Variants in RPTOR observed in about 807,000 individuals in gnomAD.
RPTOR encodes regulatory-associated protein of mTOR.
In RPTOR, 21 loss-of-function variants were observed where a neutral mutation model predicts 169.9. That is an observed-to-expected ratio of 0.12 (90% CI 0.09 to 0.18). The LOEUF is 0.18. Ranked by LOEUF, RPTOR falls within the 10% of genes least tolerant of loss-of-function variation. RPTOR has a pLI of 1.00. For synonymous variants in RPTOR, 732 were observed against 753.2 expected (o/e 0.97, Z 0.46); for missense variants, 1,133 against 1,855.9 (o/e 0.61, Z 7.16).
chr17:80,631,377 G>T (rs981963600), intron 2 of RPTOR, among the ~76,000 whole-genome samples: 55 of 152,134 alleles, frequency 3.6e-4, no homozygotes, highest in African/African-American at 1.3e-3. Context: ...GAGTGTGAGT[G>T]CCCCTTGTGC....
chr17:80,942,836 T>C (rs1242969950), intron 25 of RPTOR, among the ~76,000 whole-genome samples: 1 of 152,202 alleles, frequency 6.6e-6, no homozygotes, highest in Non-Finnish European at 1.5e-5. Context: ...CACGCACTGA[T>C]TTTCAAACGT....
intron 17 of RPTOR, among the ~76,000 whole-genome samples, chr17:80,889,898 C>T (rs1411872203): frequency 5.8e-5 from 7 of 119,674 alleles, no homozygotes; most frequent in Admixed American, 1.6e-4. Flanking sequence ...GGCCCCCGTA[C>T]GCAGCAGGAT....
intron 1 of RPTOR, among the ~76,000 whole-genome samples, chr17:80,561,340 A>G (rs2084491921): frequency 6.8e-6 from 1 of 146,618 alleles, no homozygotes; most frequent in African/African-American, 2.5e-5. Flanking sequence ...CAAACTCCTG[A>G]CCTCGTGATC....
intron 2 of RPTOR, among the ~76,000 whole-genome samples, chr17:80,634,996 C>G (rs2065494926): frequency 6.6e-6 from 1 of 152,178 alleles, no homozygotes; most frequent in Non-Finnish European, 1.5e-5. Flanking sequence ...CTGTACCTCT[C>G]TACATGTACA....
chr17:80,880,882 C>A (rs2068179630), intron 14 of RPTOR, among the ~76,000 whole-genome samples: 1 of 151,828 alleles, frequency 6.6e-6, no homozygotes, highest in African/African-American at 2.4e-5. Flanking sequence ...TCTTGGAGCA[C>A]AAGAAGATAT....
At chr17:80,683,169 G>A (rs969964692) in intron 3 of RPTOR, among the ~76,000 whole-genome samples, 3 of 151,338 alleles carry the variant, frequency 2.0e-5, no homozygotes, top group African/African-American at 2.4e-5. Flanking sequence ...GCCTGGGAGC[G>A]GACCCCGGAC....
At chr17:80,696,239 A>G (rs2066035200) in intron 3 of RPTOR, among the ~76,000 whole-genome samples, 2 of 152,228 alleles carry the variant, frequency 1.3e-5, no homozygotes, top group Non-Finnish European at 2.9e-5. Context: ...CCAGCCTTAC[A>G]GTGATAGCAT....
At chr17:80,578,305 G>T (rs770936713) in intron 1 of RPTOR, among the ~76,000 whole-genome samples, 1 of 152,130 alleles carries the variant, frequency 6.6e-6, no homozygotes, top group Non-Finnish European at 1.5e-5. Context: ...GAAATTGAAG[G>T]CTTGAGAGGT....
At position 80,960,576 on chromosome 17, in the gene RPTOR, C is replaced by T. The variant is rs1289793067; in HGVS notation, c.3605+371C>T. Among the ~76,000 whole-genome samples the T allele has an allele frequency of 2.6e-5, 4 of 152,248 alleles. No individual in the cohort carries two copies. Among genetic ancestry groups the T allele is most frequent in the Non-Finnish European group, 4.4e-5 (3 of 68,038 alleles). On this transcript the variant is annotated intron_variant, in intron 30 of 33. Coordinates refer to ENST00000306801, the MANE Select transcript of RPTOR (RefSeq NM_020761.3). This position sits in a 1 kb window ranked among gnomAD's most constrained non-coding sequence, Gnocchi z 4.8. ...ACAGAATACTGCCACTGCCTGCCAC[C>T]TCCTGGGTCATGCAGCAAGTGTCTG...
intron 14 of RPTOR, among the ~76,000 whole-genome samples, chr17:80,881,463 A>G (rs975763002): frequency 6.6e-6 from 1 of 152,278 alleles, no homozygotes; most frequent in African/African-American, 2.4e-5. Flanking sequence ...CTAAGCTCAC[A>G]TGAACGGCCC....
At chr17:80,637,294 T>C (rs1321182695) in intron 2 of RPTOR, among the ~76,000 whole-genome samples, 2 of 152,124 alleles carry the variant, frequency 1.3e-5, no homozygotes, top group South Asian at 2.1e-4. Context: ...CCCTGCTAGG[T>C]CATCCGGATG....
intron 6 of RPTOR, among the ~76,000 whole-genome samples, chr17:80,764,117 GTTATT>G (rs71164002): frequency 0.1 from 14,510 of 138,384 alleles, 1,274 homozygotes; most frequent in African/African-American, 0.23. Context: ...GACTTCTTTT[GTTATT>G]TTATTTTATT....
chr17:80,744,650 C>T lies in RPTOR; in HGVS notation c.655-9360C>T, dbSNP rs534470890. On this transcript the variant is annotated intron_variant, in intron 5 of 33. Transcript: ENST00000306801. Reference sequence around the variant, plus strand: ...GCAGAGCCCTGGCTACTAGCACTCTCCTGGTTACGAGCACAGCCCTGGCTA... The same window carrying T: ...GCAGAGCCCTGGCTACTAGCACTCTTCTGGTTACGAGCACAGCCCTGGCTA... Among the ~76,000 whole-genome samples the T allele has an allele frequency of 4.6e-4, 23 of 50,474 alleles. 10 individuals carry two copies. The African/African-American group carries it at 5.5e-3, about 12-fold the overall frequency. The allele number at this position is 50,474 out of a possible 152,430, so 33.1% of individuals were successfully genotyped here. A position where few individuals can be genotyped will look rare whatever the true frequency, so the allele number is the denominator to read the frequency against.
At chr17:80,945,805 T>C in intron 26 of RPTOR, 24 bp downstream of exon 26, 1 of 1,446,720 alleles carries the variant, frequency 6.9e-7, no homozygotes, top group South Asian at 1.3e-5. Context: ...TGGTCAGGCC[T>C]CCCTTCCGGC....
intron 13 of RPTOR, among the ~76,000 whole-genome samples, chr17:80,869,347 G>A (rs758908205): frequency 6.6e-6 from 1 of 152,038 alleles, no homozygotes; most frequent in African/African-American, 2.4e-5. Flanking sequence ...TTCAGTGGAC[G>A]AGGTTTCCCA....
At chr17:80,841,849 C>T (rs1322057485) in intron 10 of RPTOR, among the ~76,000 whole-genome samples, 1 of 136,810 alleles carries the variant, frequency 7.3e-6, no homozygotes, top group African/African-American at 2.9e-5. Context: ...AGCTCACACT[C>T]ACCGCACGGC....
chr17:80,683,015 G>A (rs1402517754), intron 3 of RPTOR, among the ~76,000 whole-genome samples: 2 of 152,072 alleles, frequency 1.3e-5, no homozygotes, highest in African/African-American at 2.4e-5. Flanking sequence ...TGTCCAGGCC[G>A]GTCTTGAGCT....
At chr17:80,915,164 G>C (rs2068658132) in intron 21 of RPTOR, among the ~76,000 whole-genome samples, 1 of 151,690 alleles carries the variant, frequency 6.6e-6, no homozygotes, top group Non-Finnish European at 1.5e-5. Flanking sequence ...TCTCTGCTGA[G>C]AACTGAGCAG....
intron 9 of RPTOR, among the ~76,000 whole-genome samples, chr17:80,829,697 C>T (rs1299946632): frequency 2.6e-5 from 4 of 152,296 alleles, no homozygotes; most frequent in South Asian, 2.1e-4. Flanking sequence ...GACTTGTGGC[C>T]GAGTCTCAGG....
Sources: gnomAD v4.1 joint callset for allele counts (sites outside exome capture counted in the v4.1 genomes callset) on GRCh38, gnomAD v4.1.1 for gene constraint, Gnocchi (gnomAD v3.1) non-coding constraint, MANE v1.5 for transcripts, NCBI Gene and HGNC (gene_info 2026-07-23, HGNC 2026-07-21) for gene names.